Variants in TYRO3 observed in about 807,000 individuals in gnomAD.
TYRO3 encodes tyrosine-protein kinase receptor TYRO3.
Under a neutral mutation model 95.2 loss-of-function variants are expected in TYRO3, and 38 were observed. The ratio of observed to expected loss-of-function variants is 0.40; its 90% CI spans 0.31 to 0.52. The LOEUF (loss-of-function observed/expected upper bound fraction) is 0.52. TYRO3 is among the 20% of genes least tolerant of loss of function. The probability of loss-of-function intolerance (pLI) is 0.56; values close to 1 mark genes in which losing one functional copy is unlikely to be tolerated. For synonymous variants in TYRO3, 367 were observed against 432.9 expected (o/e 0.85, Z 1.89); for missense variants, 812 against 1,116.4 (o/e 0.73, Z 3.89).
At position 41,572,454 on chromosome 15, in the gene TYRO3, C is replaced by T. The variant is rs765497032; in HGVS notation, c.1765C>T (p.Arg589Trp). The T allele has an allele frequency of 6.8e-6, 11 of 1,614,040 alleles. No individual in the cohort carries two copies. The highest frequency in any genetic ancestry group is 1.3e-5 in the African/African-American group (1 of 74,942). The part of the protein sequence containing the change: ...HVAKLVGVSL[R>W]SRAKGRLPIP... ...CTCCCTTGTCCCAGGGGTAAGCCTC[C>T]GGAGCAGGGCTAAAGGCCGTCTCCC... The change falls in exon 15 of 19, where the codon CGG (arginine) becomes TGG (tryptophan). Residue 589 changes from arginine to tryptophan, a missense_variant. Arg to Trp is a moderately radical substitution (Grantham distance 101). Transcript: ENST00000263798.
At position 41,573,122 on chromosome 15, in the gene TYRO3, T is replaced by C; in HGVS notation, c.1985+11T>C. The stretch of plus-strand genomic sequence containing the variant: ...TGCTCGGAATTGCATGTACGAATTC[T>C]GGAGGACTCGAGGGTGGGAGACAGC... On this transcript the variant is annotated intron_variant, in intron 16 of 18. Coordinates refer to ENST00000263798, the MANE Select transcript of TYRO3 (RefSeq NM_006293.4). 1.0e-6 allele frequency: 1 copy of C among 965,600 alleles called. No individual in the cohort carries two copies. The highest frequency in any genetic ancestry group is 1.6e-6 in the Non-Finnish European group (1 of 643,996). The allele number at this position is 965,600 out of a possible 1,614,324, so 59.8% of individuals were successfully genotyped here.
chr15:41,560,414 T>TGTGTGC (rs1377019404), intron 1 of TYRO3, among the ~76,000 whole-genome samples: 1 of 143,436 alleles, frequency 7.0e-6, no homozygotes, highest in Non-Finnish European at 1.5e-5. Context: ...TGTGTGTGTG[T>TGTGTGC]GTGTGTGTGT....
chr15:41,565,417 C>CTT (rs200236338), intron 6 of TYRO3, among the ~76,000 whole-genome samples: 13 of 146,140 alleles, frequency 8.9e-5, no homozygotes, highest in African/African-American at 3.0e-4. Context: ...TTCTTTCTTT[C>CTT]TTTTTTTTTT....
At chr15:41,560,393 ATGTGTGTGTGTGTGTGTG>A (rs369495054) in intron 1 of TYRO3, among the ~76,000 whole-genome samples, 2 of 120,448 alleles carry the variant, frequency 1.7e-5, no homozygotes, top group African/African-American at 6.4e-5. Flanking sequence ...AGGTGCGTGT[ATGTGTGTGTGTGTGTGTG>A]TGTGTGTGTG....
Position 41,578,476 on chromosome 15 carries a change from C to T in TYRO3, c.*200C>T. On this transcript the variant is annotated 3_prime_UTR_variant, in exon 19 of 19. Coordinates refer to ENST00000263798, the MANE Select transcript of TYRO3 (RefSeq NM_006293.4). ...TGCAACCACTCTGTGGCCAGCCTGG[C>T]ATCAGTTTAGGCCTTGGCTTGATGG... 1.4e-6 allele frequency: 1 copy of T among 735,320 alleles called. No homozygotes were observed. 45.5% of individuals were successfully genotyped at this position (735,320 alleles called of 1,614,324 possible). A position where few individuals can be genotyped will look rare whatever the true frequency, so the allele number is the denominator to read the frequency against.
chr15:41,564,671 G>A, intron 5 of TYRO3: 1 of 372,746 alleles, frequency 2.7e-6, no homozygotes, highest in Non-Finnish European at 5.1e-6. Context: ...GAGGGAGAGG[G>A]TGTCTGCAGG....
chr15:41,574,547 G>T (rs1012347374), intron 18 of TYRO3: 1 of 424,348 alleles, frequency 2.4e-6, no homozygotes, highest in Non-Finnish European at 4.7e-6. Context: ...CATGGCCAAC[G>T]TCACAGAGCT....
rs1447792507 is a variant in TYRO3, at chr15:41,579,344, T to C, written c.*1068T>C. 2 of 150,150 alleles carry C rather than the reference T, an allele frequency of 1.3e-5. No individual in the cohort carries two copies. 9.3% of individuals were successfully genotyped at this position (150,150 alleles called of 1,614,324 possible). A position where few individuals can be genotyped will look rare whatever the true frequency, so the allele number is the denominator to read the frequency against. ...ATTGAAGACTAAAGACCTAAGGTTT[T>C]GTCTCTTTTTTTTTTTCTTTTTTTT... On this transcript the variant is annotated 3_prime_UTR_variant, in exon 19 of 19. Coordinates refer to ENST00000263798, the MANE Select transcript of TYRO3 (RefSeq NM_006293.4).
chr15:41,559,436 CG>C, intron 1 of TYRO3, 55 bp downstream of exon 1: 1 of 182,084 alleles, frequency 5.5e-6, no homozygotes. Flanking sequence ...GGGGCGCGGC[CG>C]GGGGTCGGAG....
intron 18 of TYRO3, among the ~76,000 whole-genome samples, chr15:41,576,945 C>T (rs1398208092): frequency 6.6e-6 from 1 of 151,602 alleles, no homozygotes; most frequent in African/African-American, 2.4e-5. Flanking sequence ...ACTACAGGTG[C>T]ATACCACTGT....
intron 18 of TYRO3, among the ~76,000 whole-genome samples, chr15:41,576,090 G>T (rs1218440459): frequency 2.1e-5 from 2 of 97,168 alleles, no homozygotes; most frequent in African/African-American, 4.2e-5. Flanking sequence ...GGCAACAAGA[G>T]CAAAACTCCA....
chr15:41,576,778 C>T (rs1228130992), intron 18 of TYRO3, among the ~76,000 whole-genome samples: 1 of 151,434 alleles, frequency 6.6e-6, no homozygotes, highest in Non-Finnish European at 1.5e-5. Flanking sequence ...ATCTTCTGCC[C>T]AGCCTCCCTA....
At chr15:41,576,918 C>A (rs1389446189) in intron 18 of TYRO3, among the ~76,000 whole-genome samples, 1 of 151,950 alleles carries the variant, frequency 6.6e-6, no homozygotes, top group African/African-American at 2.4e-5. Context: ...TTAGCCTCAG[C>A]CTCCTGAGTA....
In TYRO3 at chr15:41,564,837, C is replaced by T. The variant is rs2055701704; in HGVS notation, c.668-189C>T. 4 of 586,490 alleles carry T rather than the reference C, an allele frequency of 6.8e-6. No individual in the cohort carries two copies. In the South Asian group the frequency reaches 7.5e-5, roughly 11 times the overall value. The allele number at this position is 586,490 out of a possible 1,614,324, so 36.3% of individuals were successfully genotyped here. Reference sequence around the variant, plus strand: ...CTCTCTCCACAGCCCAGGCACTCTCCCAGGTGTGAGCAGCTGTGCCCTACT... The same window carrying T: ...CTCTCTCCACAGCCCAGGCACTCTCTCAGGTGTGAGCAGCTGTGCCCTACT... On this transcript the variant is annotated intron_variant, in intron 5 of 18. Transcript: ENST00000263798.
Position 41,582,724 on chromosome 15 carries a change from T to C in TYRO3, c.*4448T>C, listed in dbSNP as rs1305241847. 6.6e-6 allele frequency: 1 copy of C among 152,186 alleles called. No individual in the cohort carries two copies. Among genetic ancestry groups the C allele is most frequent in the Non-Finnish European group, 1.5e-5 (1 of 68,042 alleles). The allele number at this position is 152,186 out of a possible 1,614,324, so 9.4% of individuals were successfully genotyped here. A position where few individuals can be genotyped will look rare whatever the true frequency, so the allele number is the denominator to read the frequency against. The stretch of plus-strand genomic sequence containing the variant: ...ATATAGTTTATTTTTCAGTATTTCA[T>C]GTTGATTTATCTCAAATTTATTGTT... On this transcript the variant is annotated 3_prime_UTR_variant, in exon 19 of 19. Transcript: ENST00000263798.
In TYRO3 at chr15:41,578,333, C is replaced by CT; in HGVS notation, c.*58dup. The CT allele has an allele frequency of 6.2e-7, 1 of 1,602,426 alleles. No homozygotes were observed. Among genetic ancestry groups the CT allele is most frequent in the Middle Eastern group, 1.7e-4 (1 of 6,012 alleles). ...CCGGCTCTGGTGGCCACTGAGCTGG[C>CT]TGACTAAGCCCCGTCTGACCCCAGC... On this transcript the variant is annotated 3_prime_UTR_variant, in exon 19 of 19. Transcript: ENST00000263798.
At chr15:41,568,486 C>A (rs1486690929) in intron 8 of TYRO3, 124 bp downstream of exon 8, 4 of 972,582 alleles carry the variant, frequency 4.1e-6, no homozygotes, top group Non-Finnish European at 6.0e-6. Flanking sequence ...CCCAGGGAAT[C>A]CTTTCCTCCT....
chr15:41,579,269 C>G lies in TYRO3; in HGVS notation c.*993C>G, dbSNP rs114083145. ...CTGGAATGCATGGGGCGGGTCCTAGCTGTTAGGGACATTTCCAAGCTGTTA... is the reference window on the plus strand; with the variant it reads ...CTGGAATGCATGGGGCGGGTCCTAGGTGTTAGGGACATTTCCAAGCTGTTA... On this transcript the variant is annotated 3_prime_UTR_variant, in exon 19 of 19. Transcript: ENST00000263798. 3,525 of 152,210 alleles carry G rather than the reference C, an allele frequency of 0.023. 42 individuals carry two copies. The highest frequency in any genetic ancestry group is 0.082 in the South Asian group (395 of 4,820). The allele number at this position is 152,210 out of a possible 1,614,324, so 9.4% of individuals were successfully genotyped here. A position where few individuals can be genotyped will look rare whatever the true frequency, so the allele number is the denominator to read the frequency against.
At chr15:41,576,281 C>T (rs1179156890) in intron 18 of TYRO3, among the ~76,000 whole-genome samples, 1 of 151,586 alleles carries the variant, frequency 6.6e-6, no homozygotes, top group East Asian at 2.0e-4. Flanking sequence ...ACAACTTCCA[C>T]CTCCTGGATT....
Sources: allele counts gnomAD v4.1 joint callset (sites outside exome capture counted in the v4.1 genomes callset), GRCh38; gene constraint gnomAD v4.1.1; transcripts MANE v1.5; gene names NCBI Gene and HGNC (gene_info 2026-07-23, HGNC 2026-07-21).